PRPSAP2: variants seen among roughly 807,000 people sequenced by gnomAD.
PRPSAP2 encodes phosphoribosyl pyrophosphate synthase-associated protein 2.
Under a neutral mutation model 40.6 loss-of-function variants are expected in PRPSAP2, and 24 were observed. The ratio of observed to expected loss-of-function variants is 0.59; its 90% CI spans 0.43 to 0.83. PRPSAP2 has a LOEUF of 0.83. Ranked by LOEUF, PRPSAP2 falls within the 40% of genes least tolerant of loss-of-function variation. PRPSAP2 has a pLI of 0.00. For synonymous variants in PRPSAP2, 149 were observed against 164.7 expected (o/e 0.90, Z 0.73); for missense variants, 292 against 465.6 (o/e 0.63, Z 3.43).
At chr17:18,886,513 A>C (rs1256445342) in intron 7 of PRPSAP2, among the ~76,000 whole-genome samples, 1 of 151,872 alleles carries the variant, frequency 6.6e-6, no homozygotes, top group East Asian at 1.9e-4. Flanking sequence ...ACCTACCACC[A>C]CGCCTGGCTA....
chr17:18,882,546 T>C, intron 6 of PRPSAP2, 22 bp from the exon 7 acceptor site: 4 of 1,411,030 alleles, frequency 2.8e-6, no homozygotes, highest in Non-Finnish European at 4.0e-6. Context: ...ATTTATTGCT[T>C]GTGTCTGCTT....
chr17:18,893,813 A>G (rs8078993), intron 8 of PRPSAP2, among the ~76,000 whole-genome samples: 80,438 of 151,920 alleles, frequency 0.53, 21,538 homozygotes, highest in Middle Eastern at 0.6. Flanking sequence ...TTGACCTCAA[A>G]TGATCATCCC....
chr17:18,907,268 T>G (rs2040653717), intron 8 of PRPSAP2, among the ~76,000 whole-genome samples: 1 of 152,048 alleles, frequency 6.6e-6, no homozygotes, highest in Non-Finnish European at 1.5e-5. Flanking sequence ...TGTATTAATA[T>G]CAGACAAATC....
At position 18,875,016 on chromosome 17, in the gene PRPSAP2, T is replaced by C. The variant is rs537944907; in HGVS notation, c.239+2367T>C. Among the ~76,000 whole-genome samples the C allele has an allele frequency of 2.3e-4, 35 of 152,324 alleles. 1 individual carries two copies. In the South Asian group the frequency reaches 7.0e-3, roughly 31 times the overall value. The stretch of plus-strand genomic sequence containing the variant: ...TTTAGGACTTCAGAAGGGTGACTGC[T>C]GATCCTTCTCATTTTCAAGTCCTTC... On this transcript the variant is annotated intron_variant, in intron 5 of 11. Transcript: ENST00000268835.
chr17:18,929,185 C>T (rs1021790710), intron 11 of PRPSAP2, among the ~76,000 whole-genome samples: 2 of 151,902 alleles, frequency 1.3e-5, no homozygotes, highest in East Asian at 1.9e-4. Context: ...GGTGAAACCC[C>T]GTCTCTACTA....
chr17:18,893,153 CTTTTTTTTT>C (rs71355574), intron 8 of PRPSAP2, among the ~76,000 whole-genome samples: 2 of 124,996 alleles, frequency 1.6e-5, no homozygotes, highest in East Asian at 2.3e-4. Flanking sequence ...TTCAATTTAT[CTTTTTTTTT>C]TTTTTTTTTT....
chr17:18,912,231 G>T (rs1384224862), intron 9 of PRPSAP2, among the ~76,000 whole-genome samples: 1 of 152,040 alleles, frequency 6.6e-6, no homozygotes, highest in Non-Finnish European at 1.5e-5. Flanking sequence ...TCTGTCGAGG[G>T]CCTGTTCCTC....
intron 5 of PRPSAP2, among the ~76,000 whole-genome samples, chr17:18,877,379 G>C (rs1173053581): frequency 6.6e-6 from 1 of 152,098 alleles, no homozygotes; most frequent in Non-Finnish European, 1.5e-5. Context: ...GCCATTTGGA[G>C]GGATTAATTT....
chr17:18,918,468 G>A (rs560107926), intron 9 of PRPSAP2, among the ~76,000 whole-genome samples: 7 of 152,358 alleles, frequency 4.6e-5, no homozygotes. Flanking sequence ...CTGACTACCA[G>A]GAGGCCCCTG....
chr17:18,919,398 C>T (rs1389071319), intron 9 of PRPSAP2, among the ~76,000 whole-genome samples: 1 of 152,014 alleles, frequency 6.6e-6, no homozygotes, highest in Non-Finnish European at 1.5e-5. Flanking sequence ...ATCGCAGCTA[C>T]TCAGGAGGCT....
In PRPSAP2 at chr17:18,923,940, A is replaced by G. The variant is rs200548082; in HGVS notation, c.760A>G (p.Ile254Val). The G allele has an allele frequency of 6.2e-7, 1 of 1,613,680 alleles. No homozygotes were observed. Among genetic ancestry groups the G allele is most frequent in the Non-Finnish European group, 8.5e-7 (1 of 1,179,636 alleles). The change falls in exon 10 of 12, where the codon ATC becomes GTC. Residue 254 changes from isoleucine to valine, a missense_variant. Transcript: ENST00000268835. ...PMLIPKEKPP[I>V]TVVGDVGGRI... ...GCTGATTCCTAAAGAAAAGCCCCCA[A>G]TCACGGTTGTGGGTGATGTTGGAGG...
intron 7 of PRPSAP2, 92 bp downstream of exon 7, chr17:18,882,775 CTT>C: frequency 1.2e-6 from 1 of 817,868 alleles, no homozygotes; most frequent in Non-Finnish European, 2.0e-6. Flanking sequence ...AGGATTAAAA[CTT>C]GATGTATTGT....
intron 11 of PRPSAP2, chr17:18,929,626 C>T (rs1013013875): frequency 1.8e-4 from 27 of 152,244 alleles, no homozygotes; most frequent in African/African-American, 6.0e-4. Flanking sequence ...TCTTTTGTGT[C>T]TGGCTGTCTT....
intron 5 of PRPSAP2, among the ~76,000 whole-genome samples, chr17:18,876,776 A>G (rs1597570093): frequency 6.6e-6 from 1 of 152,168 alleles, no homozygotes; most frequent in African/African-American, 2.4e-5. Context: ...AACAGAGACT[A>G]GAGAAGGTGA....
intron 9 of PRPSAP2, among the ~76,000 whole-genome samples, chr17:18,912,896 C>A (rs1353307989): frequency 6.6e-6 from 1 of 152,194 alleles, no homozygotes; most frequent in Non-Finnish European, 1.5e-5. Context: ...GTCTAAAACC[C>A]AACCAGACAA....
At chr17:18,897,453 G>GTGTTGT (rs11271940) in intron 8 of PRPSAP2, among the ~76,000 whole-genome samples, 12,753 of 150,560 alleles carry the variant, frequency 0.085, 627 homozygotes, top group African/African-American at 0.12. Context: ...CTCTATAGTG[G>GTGTTGT]TGTTGTTGTT....
Position 18,882,680 on chromosome 17 carries a change from A to G in PRPSAP2, c.525A>G (p.Glu175=). 6.4e-7 allele frequency: 1 copy of G among 1,558,994 alleles called. No homozygotes were observed. Among genetic ancestry groups the G allele is most frequent in the South Asian group, 1.1e-5 (1 of 88,710 alleles). The change falls in exon 7 of 12, where the codon GAA becomes GAG. Residue 175 remains glutamate (E), a synonymous_variant. Coordinates refer to ENST00000268835, the MANE Select transcript of PRPSAP2 (RefSeq NM_002767.4). ...ASPFLLQYIQ[E]EIPDYRNAVI... ...CCTTCTTATTACAGTATATTCAAGAAGAGGTGAGCTAGCTCAAACTTTTTT... is the reference window on the plus strand; with the variant it reads ...CCTTCTTATTACAGTATATTCAAGAGGAGGTGAGCTAGCTCAAACTTTTTT...
At chr17:18,867,214 C>T (rs1398856167) in intron 3 of PRPSAP2, 68 bp from the exon 4 acceptor site, 1 of 1,454,460 alleles carries the variant, frequency 6.9e-7, no homozygotes. Flanking sequence ...TACGAGTCTC[C>T]TTAAATAGTA....
intron 3 of PRPSAP2, 122 bp from the exon 4 acceptor site, chr17:18,867,159 AT>A: frequency 9.6e-7 from 1 of 1,043,588 alleles, no homozygotes; most frequent in Non-Finnish European, 1.4e-6. Flanking sequence ...TTGACTTTAA[AT>A]TTTATAAGAA....
Sources: gnomAD v4.1 joint callset for allele counts (sites outside exome capture counted in the v4.1 genomes callset) on GRCh38, gnomAD v4.1.1 for gene constraint, MANE v1.5 for transcripts, NCBI Gene and HGNC (gene_info 2026-07-23, HGNC 2026-07-21) for gene names.